Variants in CAMK1D observed in about 807,000 individuals in gnomAD.
CAMK1D encodes calcium/calmodulin-dependent protein kinase type 1D.
A neutral mutation model predicts 47.7 loss-of-function variants in CAMK1D; 9 were observed. The observed-to-expected ratio is 0.19, with a 90% confidence interval of 0.11 to 0.33. The LOEUF (loss-of-function observed/expected upper bound fraction) is 0.33, where lower values mean the gene tolerates loss of function less well. Among genes scored for constraint, CAMK1D ranks in the 10% least tolerant of loss-of-function variants. The pLI is 1.00. For missense variants in CAMK1D, 291 were observed against 488.7 expected (o/e 0.60, Z 3.81); for synonymous variants, 184 against 184.9 (o/e 0.99, Z 0.04).
intron 1 of CAMK1D, among the ~76,000 whole-genome samples, chr10:12,475,961 A>G (rs151083215): frequency 1.6e-4 from 25 of 152,174 alleles, no homozygotes; most frequent in African/African-American, 6.0e-4. Flanking sequence ...ACATTATGGG[A>G]ATTCATCAGT....
intron 6 of CAMK1D, among the ~76,000 whole-genome samples, chr10:12,798,356 G>C (rs977873775): frequency 6.6e-6 from 1 of 152,242 alleles, no homozygotes; most frequent in East Asian, 1.9e-4. Flanking sequence ...TGCAGAGATG[G>C]ATGTATCACC....
At chr10:12,619,143 T>C (rs184356125) in intron 2 of CAMK1D, among the ~76,000 whole-genome samples, 10 of 152,376 alleles carry the variant, frequency 6.6e-5, no homozygotes, top group African/African-American at 2.4e-4. Flanking sequence ...ATTTGAGTGC[T>C]GTCTGCTAAG....
intron 2 of CAMK1D, among the ~76,000 whole-genome samples, chr10:12,560,318 C>T (rs534808294): frequency 1.3e-5 from 2 of 152,016 alleles, no homozygotes; most frequent in East Asian, 1.9e-4. Flanking sequence ...TTTGGGAAGG[C>T]GAGGCGGGCG....
intron 3 of CAMK1D, among the ~76,000 whole-genome samples, chr10:12,699,516 C>G (rs1216894488): frequency 6.6e-6 from 1 of 151,992 alleles, no homozygotes; most frequent in African/African-American, 2.4e-5. Flanking sequence ...TTTTGGCGCC[C>G]ATAGAGTGGA....
intron 1 of CAMK1D, among the ~76,000 whole-genome samples, chr10:12,449,348 T>C (rs4750216): frequency 0.75 from 114,602 of 151,860 alleles, 44,960 homozygotes; most frequent in South Asian, 0.86. Flanking sequence ...GAGTATAGCA[T>C]GTTGAAAACA....
At chr10:12,363,665 GTTTTTTTTTTTTT>G (rs1165886868) in intron 1 of CAMK1D, among the ~76,000 whole-genome samples, 1 of 117,108 alleles carries the variant, frequency 8.5e-6, no homozygotes, top group Non-Finnish European at 1.7e-5. Context: ...GTTTCCTAAG[GTTTTTTTTTTTTT>G]TTTTTTTTTA....
intron 3 of CAMK1D, among the ~76,000 whole-genome samples, chr10:12,711,748 A>G (rs921768146): frequency 6.6e-6 from 1 of 152,196 alleles, no homozygotes; most frequent in African/African-American, 2.4e-5. Context: ...TAGCAGATCT[A>G]AATATCTACT....
chr10:12,556,134 G>C (rs74116990), intron 2 of CAMK1D, among the ~76,000 whole-genome samples: 1 of 152,044 alleles, frequency 6.6e-6, no homozygotes, highest in Non-Finnish European at 1.5e-5. Flanking sequence ...AGTAACTCCC[G>C]CACTGACTTT....
intron 3 of CAMK1D, among the ~76,000 whole-genome samples, chr10:12,729,297 A>G (rs902710343): frequency 2.6e-5 from 4 of 152,214 alleles, no homozygotes; most frequent in Non-Finnish European, 5.9e-5. Context: ...ATAATAAATA[A>G]GCAAATTCTG....
At chr10:12,702,475 C>T (rs1262573324) in intron 3 of CAMK1D, among the ~76,000 whole-genome samples, 6 of 152,194 alleles carry the variant, frequency 3.9e-5, no homozygotes, top group Non-Finnish European at 2.9e-5. Flanking sequence ...GAAACAAAGA[C>T]ACTCGATAAA....
intron 1 of CAMK1D, among the ~76,000 whole-genome samples, chr10:12,470,434 A>G (rs975954111): frequency 2.0e-5 from 3 of 151,888 alleles, no homozygotes; most frequent in Non-Finnish European, 4.4e-5. Flanking sequence ...ACAGAGTGAC[A>G]TATCTTGGGC....
At chr10:12,750,268 C>T (rs1263875775) in intron 3 of CAMK1D, among the ~76,000 whole-genome samples, 1 of 152,186 alleles carries the variant, frequency 6.6e-6, no homozygotes, top group Non-Finnish European at 1.5e-5. Flanking sequence ...GCCAGTTGTC[C>T]CCACCCGGGG....
At chr10:12,505,560 G>T (rs955876393) in intron 1 of CAMK1D, among the ~76,000 whole-genome samples, 1 of 151,826 alleles carries the variant, frequency 6.6e-6, no homozygotes, top group African/African-American at 2.4e-5. Flanking sequence ...TCCTTGCTTG[G>T]TCTACACAAT....
At chr10:12,738,355 C>T (rs1387057961) in intron 3 of CAMK1D, among the ~76,000 whole-genome samples, 1 of 152,174 alleles carries the variant, frequency 6.6e-6, no homozygotes, top group Non-Finnish European at 1.5e-5. Context: ...AATGGATTCT[C>T]TGTTAGACTG....
intron 3 of CAMK1D, among the ~76,000 whole-genome samples, chr10:12,681,679 C>A (rs1832441978): frequency 6.6e-6 from 1 of 152,210 alleles, no homozygotes; most frequent in African/African-American, 2.4e-5. Flanking sequence ...TGAAGAAGTA[C>A]ACTGGAAGTC....
intron 1 of CAMK1D, among the ~76,000 whole-genome samples, chr10:12,493,149 C>T (rs2768439): frequency 0.74 from 111,988 of 152,168 alleles, 41,557 homozygotes; most frequent in East Asian, 0.97. Context: ...CAACCCTCTG[C>T]GGTCACCAGT....
intron 1 of CAMK1D, among the ~76,000 whole-genome samples, chr10:12,361,590 C>T (rs997536336): frequency 8.1e-6 from 1 of 124,040 alleles, no homozygotes; most frequent in Non-Finnish European, 1.6e-5. Flanking sequence ...GAGTCTCGCT[C>T]TGTGGCCCAG....
At chr10:12,705,501 ACC>A (rs1833696581) in intron 3 of CAMK1D, among the ~76,000 whole-genome samples, 2 of 152,234 alleles carry the variant, frequency 1.3e-5, no homozygotes, top group East Asian at 3.9e-4. Flanking sequence ...ATAATAGTGT[ACC>A]ATGCATCATA....
At chr10:12,550,473 T>A (rs1388400038) in intron 1 of CAMK1D, among the ~76,000 whole-genome samples, 1 of 152,002 alleles carries the variant, frequency 6.6e-6, no homozygotes, top group Non-Finnish European at 1.5e-5. Flanking sequence ...GGCTTAGAGA[T>A]GAGTGAGGAG....
Sources: allele counts gnomAD v4.1 joint callset (sites outside exome capture counted in the v4.1 genomes callset), GRCh38; gene constraint gnomAD v4.1.1; transcripts MANE v1.5; gene names NCBI Gene and HGNC (gene_info 2026-07-23, HGNC 2026-07-21).